Variants in APC observed in about 807,000 individuals in gnomAD.
APC encodes the protein APC regulator of Wnt signaling pathway.
APC carries 72 observed loss-of-function variants against 247.0 expected under a neutral mutation model. The observed-to-expected ratio is 0.29, with a 90% CI of 0.24 to 0.35. The LOEUF is 0.35. Among genes scored for constraint, APC ranks in the 10% least tolerant of loss-of-function variants. The pLI is 1.00. For synonymous variants in APC, 1,254 were observed against 1,162.5 expected (o/e 1.08, Z -1.60); for missense variants, 3,400 against 3,360.7 (o/e 1.01, Z -0.29).
chr5:112,756,189 A>G (rs550926470), intron 2 of APC, among the ~76,000 whole-genome samples: 4 of 152,106 alleles, frequency 2.6e-5, no homozygotes, highest in Admixed American at 6.5e-5. Flanking sequence ...TTTACCCTTT[A>G]TATTCAGTAT....
Position 112,838,538 on chromosome 5 carries a change from T to G in APC, c.2944T>G (p.Ser982Ala). The G allele has an allele frequency of 6.2e-7, 1 of 1,614,198 alleles. No homozygotes were observed. Among genetic ancestry groups the G allele is most frequent in the Non-Finnish European group, 8.5e-7 (1 of 1,180,028 alleles). Residue 982 changes from serine (S) to alanine (A), a missense_variant, in exon 16 of 16, where the codon TCG (serine) becomes GCG (alanine). Physicochemically the swap from Ser to Ala is moderately conservative, Grantham distance 99. This residue lies in a region of APC where 715 missense variants were observed against 656.6 expected (regional missense o/e 1.09). Coordinates refer to ENST00000257430, the MANE Select transcript of APC (RefSeq NM_000038.6). Reference protein sequence around the residue: ...GYGKRGQMKPSIESYSEDDES... With the variant: ...GYGKRGQMKPAIESYSEDDES... ...TGGTAAAAGAGGTCAAATGAAACCC[T>G]CGATTGAATCCTATTCTGAAGATGA...
At chr5:112,836,803 T>A (rs191206426) in intron 15 of APC, among the ~76,000 whole-genome samples, 1 of 152,086 alleles carries the variant, frequency 6.6e-6, no homozygotes, top group Admixed American at 6.5e-5. Flanking sequence ...GCCTCCCAAG[T>A]GATTCTCCTG....
At chr5:112,752,979 G>A (rs982250124) in intron 1 of APC, among the ~76,000 whole-genome samples, 1 of 152,064 alleles carries the variant, frequency 6.6e-6, no homozygotes, top group Non-Finnish European at 1.5e-5. Context: ...GGCTCTTTTT[G>A]TGGTTGTGTA....
At chr5:112,721,485 A>G (rs1751483047) in intron 1 of APC, among the ~76,000 whole-genome samples, 2 of 152,188 alleles carry the variant, frequency 1.3e-5, no homozygotes, top group South Asian at 4.1e-4. Flanking sequence ...GAATTTGGAG[A>G]TGACGCAGTT....
chr5:112,815,803 G>T (rs1469238339), intron 9 of APC, among the ~76,000 whole-genome samples: 2 of 152,126 alleles, frequency 1.3e-5, no homozygotes, highest in African/African-American at 2.4e-5. Flanking sequence ...CAGTGTGGTG[G>T]CACACACCTG....
chr5:112,717,911 T>TTTC (rs1751266401), intron 1 of APC, among the ~76,000 whole-genome samples: 2 of 99,148 alleles, frequency 2.0e-5, no homozygotes, highest in Non-Finnish European at 4.0e-5. Flanking sequence ...TCTTTTTCTT[T>TTTC]TTTTTTTTTT....
At chr5:112,713,669 T>G (rs1025454325) in intron 1 of APC, among the ~76,000 whole-genome samples, 1 of 152,172 alleles carries the variant, frequency 6.6e-6, no homozygotes, top group African/African-American at 2.4e-5. Flanking sequence ...TACATAGGAT[T>G]TCAGTGTTTA....
chr5:112,816,012 T>G (rs908855065), intron 9 of APC, among the ~76,000 whole-genome samples: 10 of 152,202 alleles, frequency 6.6e-5, no homozygotes, highest in Non-Finnish European at 1.5e-4. Context: ...TAGCTAATTT[T>G]TAATTCTTTT....
intron 8 of APC, among the ~76,000 whole-genome samples, chr5:112,804,111 A>G (rs1003511943): frequency 5.3e-5 from 8 of 152,042 alleles, no homozygotes; most frequent in African/African-American, 1.9e-4. Context: ...AGTTCATATT[A>G]TATGTTTTAC....
At chr5:112,820,710 C>G (rs1763030239) in intron 10 of APC, among the ~76,000 whole-genome samples, 1 of 152,114 alleles carries the variant, frequency 6.6e-6, no homozygotes, top group Non-Finnish European at 1.5e-5. Flanking sequence ...TTTTTAAAAA[C>G]TTACGTCAAA....
rs786201856 is a variant in APC, at chr5:112,815,507, C to T, written c.847C>T (p.Arg283Ter). 2.5e-6 allele frequency: 4 copies of T among 1,610,912 alleles called. No individual in the cohort carries two copies. The highest frequency in any genetic ancestry group is 3.4e-6 in the Non-Finnish European group (4 of 1,177,804). The part of the protein sequence containing the change: ...TSGNGQGSTT[R>*]MDHETASVLS... Reference sequence around the variant, plus strand: ...GCTTAATTTTTAGGGTTCAACTACACGAATGGACCATGAAACAGCCAGTGT... The same window carrying T: ...GCTTAATTTTTAGGGTTCAACTACATGAATGGACCATGAAACAGCCAGTGT... The change falls in exon 9 of 16, where the codon CGA (arginine) becomes TGA (stop). Residue 283 changes from arginine (R) to a stop codon, truncating the protein, a stop_gained. Coordinates refer to ENST00000257430, the MANE Select transcript of APC (RefSeq NM_000038.6). LOFTEE classifies it high-confidence loss of function.
intron 1 of APC, among the ~76,000 whole-genome samples, chr5:112,719,412 G>A (rs1205459937): frequency 6.6e-6 from 1 of 150,776 alleles, no homozygotes; most frequent in East Asian, 1.9e-4. Context: ...TAGTAGAGGT[G>A]GGGTTTTACC....
chr5:112,816,946 G>T (rs79631752), intron 9 of APC, among the ~76,000 whole-genome samples: 1 of 151,608 alleles, frequency 6.6e-6, no homozygotes, highest in African/African-American at 2.4e-5. Context: ...TTGGCTCACT[G>T]CAACCCCCAC....
rs1432536103 is a variant in APC at position 112,843,524 on chromosome 5, A to G, written c.7930A>G (p.Ile2644Val). 3 of 1,613,646 alleles carry G rather than the reference A, an allele frequency of 1.9e-6. No homozygotes were observed. The highest frequency in any genetic ancestry group is 1.3e-5 in the African/African-American group (1 of 74,880). The stretch of plus-strand genomic sequence containing the variant: ...AAATGGTGCTGAATCAAAGACTCTA[A>G]TTTATCAAATGGCACCTGCTGTTTC... Reference protein sequence around the residue: ...ATNGAESKTLIYQMAPAVSKT... With the variant: ...ATNGAESKTLVYQMAPAVSKT... The change falls in exon 16 of 16, where the codon ATT becomes GTT. Residue 2644 changes from isoleucine (I) to valine (V), a missense_variant. Coordinates refer to ENST00000257430, the MANE Select transcript of APC (RefSeq NM_000038.6). The surrounding 1 kb of genome is among the most constrained non-coding windows in gnomAD (Gnocchi z 4.8).
rs372535376 is a variant in APC, at chr5:112,843,092, C to A, written c.7498C>A (p.Gln2500Lys). ...GTCTCTATCCACACATTCGTCTGTT[C>A]AGGCTGGTGGATGGCGAAAACTCCC... is the stretch of plus-strand genomic sequence containing the variant. The part of the protein sequence containing the change: ...DMSLSTHSSV[Q>K]AGGWRKLPPN... Residue 2500 changes from glutamine (Q) to lysine (K), a missense_variant, in exon 16 of 16, where the codon CAG becomes AAG. Physicochemically the swap from Gln to Lys is moderately conservative, Grantham distance 53. Transcript: ENST00000257430. This position sits in a 1 kb window ranked among gnomAD's most constrained non-coding sequence, Gnocchi z 4.8. 3.7e-6 allele frequency: 6 copies of A among 1,614,060 alleles called. No homozygotes were observed. Among genetic ancestry groups the A allele is most frequent in the Non-Finnish European group, 5.1e-6 (6 of 1,179,932 alleles).
chr5:112,710,013 C>G (rs907436783), intron 1 of APC, among the ~76,000 whole-genome samples: 1 of 152,196 alleles, frequency 6.6e-6, no homozygotes, highest in Admixed American at 6.5e-5. Flanking sequence ...GTTCTTCCAA[C>G]CCATTACCCT....
rs1258263734 is a variant in APC at position 112,827,262 on chromosome 5, C to T, written c.1548+15C>T. 1 of 1,613,370 alleles carries T rather than the reference C, an allele frequency of 6.2e-7. No individual in the cohort carries two copies. The highest frequency in any genetic ancestry group is 1.1e-5 in the South Asian group (1 of 91,068). On this transcript the variant is annotated intron_variant, in intron 12 of 15. Transcript: ENST00000257430. ...TAGCCAACAAGGTATGTTTTTATAA[C>T]ATGTATTTCTTAAGATAGCTCAGGT... is the stretch of plus-strand genomic sequence containing the variant.
Position 112,842,951 on chromosome 5 carries a change from A to C in APC, c.7357A>C (p.Arg2453=), listed in dbSNP as rs1580681532. The change falls in exon 16 of 16, where the codon AGA becomes CGA. Residue 2453 remains arginine, a synonymous_variant. Transcript: ENST00000257430. ...CAAAGAAGCTCCAAGCCCAACCTTA[A>C]GAAGAAAATTGGAGGAATCTGCTTC... The part of the protein sequence containing the change: ...FIKEAPSPTL[R]RKLEESASFE... 2 of 1,614,026 alleles carry C rather than the reference A, an allele frequency of 1.2e-6. No individual in the cohort carries two copies. Among genetic ancestry groups the C allele is most frequent in the Non-Finnish European group, 1.7e-6 (2 of 1,179,910 alleles).
chr5:112,730,682 G>A (rs1056425190), intron 1 of APC, among the ~76,000 whole-genome samples: 1 of 152,112 alleles, frequency 6.6e-6, no homozygotes, highest in Admixed American at 6.5e-5. Context: ...GAATTAATTT[G>A]TGTTTTTCTT....
Sources: gnomAD v4.1 joint callset for allele counts (sites outside exome capture counted in the v4.1 genomes callset) on GRCh38, gnomAD v4.1.1 for gene constraint, gnomAD v4.1.1 regional missense constraint, Gnocchi (gnomAD v3.1) non-coding constraint, MANE v1.5 for transcripts, NCBI Gene and HGNC (gene_info 2026-07-23, HGNC 2026-07-21) for gene names.